The following PLSCR3 variants were observed in gnomAD, a reference collection of about 807,000 sequenced individuals.
PLSCR3 encodes the protein PL scramblase 3.
A neutral mutation model predicts 33.7 loss-of-function variants in PLSCR3; 17 were observed. That is an observed-to-expected ratio of 0.50 (90% CI 0.35 to 0.76). The LOEUF is 0.76. PLSCR3 is among the 30% of genes least tolerant of loss of function. PLSCR3 has a pLI of 0.01. For synonymous variants in PLSCR3, 166 were observed against 166.0 expected, an observed-to-expected ratio of 1.00 and a Z score of 0.00; for missense variants, 360 against 394.1, an observed-to-expected ratio of 0.91 and a Z score of 0.73.
Position 7,390,226 on chromosome 17 carries a change from C to G in PLSCR3, c.*159G>C. The G allele has an allele frequency of 3.5e-6, 2 of 575,904 alleles. No individual in the cohort carries two copies. Among genetic ancestry groups the G allele is most frequent in the South Asian group, 2.3e-5 (1 of 44,296 alleles). 35.7% of individuals were successfully genotyped at this position (575,904 alleles called of 1,614,324 possible). ...TCTCATACATACCCCTCCTTGGGAA[C>G]CACAGGGGCAGGCGGCCAGGGAGTA... On this transcript the variant is annotated 3_prime_UTR_variant, in exon 8 of 8. Coordinates refer to ENST00000619711, the MANE Select transcript of PLSCR3 (RefSeq NM_020360.4).
At chr17:7,392,551 AT>A (rs1452717308) in intron 6 of PLSCR3, among the ~76,000 whole-genome samples, 2 of 152,078 alleles carry the variant, frequency 1.3e-5, no homozygotes, top group African/African-American at 4.8e-5. Flanking sequence ...TTTTCTGCCC[AT>A]CTCAGGGCCA....
chr17:7,394,000 G>T lies in PLSCR3; in HGVS notation c.7+104C>A, dbSNP rs1454685609. On this transcript the variant is annotated intron_variant, in intron 2 of 7. Coordinates refer to ENST00000619711, the MANE Select transcript of PLSCR3 (RefSeq NM_020360.4). Reference sequence around the variant, plus strand: ...GAGGTTCCCCGGAAGGAAGGGAGGGGCCCCACCCAGCCAGTCCGAGCACAT... The same window carrying T: ...GAGGTTCCCCGGAAGGAAGGGAGGGTCCCCACCCAGCCAGTCCGAGCACAT... 4.9e-6 allele frequency: 7 copies of T among 1,422,230 alleles called. No homozygotes were observed. In the African/African-American group the frequency reaches 8.5e-5, roughly 17 times the overall value. The allele number at this position is 1,422,230 out of a possible 1,614,324, so 88.1% of individuals were successfully genotyped here. A position where few individuals can be genotyped will look rare whatever the true frequency, so the allele number is the denominator to read the frequency against.
intron 2 of PLSCR3, 114 bp downstream of exon 2, chr17:7,393,990 G>A (rs1905967254): frequency 7.7e-7 from 1 of 1,300,936 alleles, no homozygotes; most frequent in East Asian, 2.3e-5. Context: ...TCCCCGGAAG[G>A]AAGGGAGGGG....
In PLSCR3 at chr17:7,393,704, G is replaced by C; in HGVS notation, c.140C>G (p.Pro47Arg). The C allele has an allele frequency of 6.4e-7, 1 of 1,556,984 alleles. No homozygotes were observed. Among genetic ancestry groups the C allele is most frequent in the Non-Finnish European group, 8.6e-7 (1 of 1,159,522 alleles). The change falls in exon 3 of 8, where the codon CCC (proline) becomes CGC (arginine). Residue 47 changes from proline to arginine, a missense_variant. Physicochemically the swap from Pro to Arg is moderately radical, Grantham distance 103. Coordinates refer to ENST00000619711, the MANE Select transcript of PLSCR3 (RefSeq NM_020360.4). ...AGGCGAGGGGAAGAGGGCGAAGCCGGGAGCTGGGGCAGGTACCTGGGCGGG... is the reference window on the plus strand; with the variant it reads ...AGGCGAGGGGAAGAGGGCGAAGCCGCGAGCTGGGGCAGGTACCTGGGCGGG... The part of the protein sequence containing the change: ...PVPAQVPAPA[P>R]GFALFPSPGP...
intron 4 of PLSCR3, 51 bp from the exon 5 acceptor site, chr17:7,393,415 C>A (rs1265218207): frequency 1.2e-6 from 2 of 1,612,812 alleles, no homozygotes; most frequent in African/African-American, 2.7e-5. Context: ...GCCCAGGAGC[C>A]CACCATCCGG....
At chr17:7,393,901 GC>G in intron 2 of PLSCR3, 65 bp from the exon 3 acceptor site, 3 of 1,162,218 alleles carry the variant, frequency 2.6e-6, no homozygotes, top group Middle Eastern at 2.2e-4. Context: ...TTATTCCTCA[GC>G]CCATGGGCCG....
At chr17:7,392,735 A>G (rs143819552) in intron 6 of PLSCR3, 56 bp downstream of exon 6, 26,287 of 1,532,248 alleles carry the variant, frequency 0.017, 398 homozygotes, top group Admixed American at 0.047. Context: ...ATCCTGCCTC[A>G]TGGAAGCATC....
intron 2 of PLSCR3, 76 bp from the exon 3 acceptor site, chr17:7,393,912 G>T: frequency 8.9e-7 from 1 of 1,129,390 alleles, no homozygotes; most frequent in Non-Finnish European, 1.3e-6. Flanking sequence ...CCCATGGGCC[G>T]CGAGGCTTCG....
At chr17:7,393,391 G>A (rs1417306933) in intron 4 of PLSCR3, 27 bp from the exon 5 acceptor site, 1 of 1,612,378 alleles carries the variant, frequency 6.2e-7, no homozygotes, top group South Asian at 1.1e-5. Flanking sequence ...GGGGAGACTC[G>A]TAGAGCCTCG....
chr17:7,393,397 C>G (rs764405414), intron 4 of PLSCR3, 33 bp from the exon 5 acceptor site: 1 of 1,612,162 alleles, frequency 6.2e-7, no homozygotes, highest in Non-Finnish European at 8.5e-7. Context: ...ACTCGTAGAG[C>G]CTCGCGCGCC....
At chr17:7,392,416 TAAC>T (rs1905781780) in intron 6 of PLSCR3, among the ~76,000 whole-genome samples, 1 of 152,158 alleles carries the variant, frequency 6.6e-6, no homozygotes, top group African/African-American at 2.4e-5. Flanking sequence ...CACAGGATGT[TAAC>T]ATGTTAAAAT....
Position 7,394,075 on chromosome 17 carries a change from C to T in PLSCR3, c.7+29G>A, listed in dbSNP as rs779172427. ...GCTCCCAAGTCCGTGGGGGGGATAA[C>T]GGAGACCCCCAGACTTGCGCGCACT... On this transcript the variant is annotated intron_variant, in intron 2 of 7. Transcript: ENST00000619711. This position sits in a 1 kb window ranked among gnomAD's most constrained non-coding sequence, Gnocchi z 5.3. 5 of 1,611,456 alleles carry T rather than the reference C, an allele frequency of 3.1e-6. No homozygotes were observed. The East Asian group carries it at 6.7e-5, about 22-fold the overall frequency.
rs1451669705 is a variant in PLSCR3 at position 7,390,202 on chromosome 17, C to G, written c.*183G>C. On this transcript the variant is annotated 3_prime_UTR_variant, in exon 8 of 8. Transcript: ENST00000619711. ...GGTGGGAGGTAGCAGGAGAGCGGCT[C>G]TCATACATACCCCTCCTTGGGAACC... is the stretch of plus-strand genomic sequence containing the variant. 5.4e-6 allele frequency: 3 copies of G among 554,052 alleles called. No homozygotes were observed. The highest frequency in any genetic ancestry group is 2.9e-5 in the East Asian group (1 of 34,658). The allele number at this position is 554,052 out of a possible 1,614,324, so 34.3% of individuals were successfully genotyped here.
At position 7,391,029 on chromosome 17, in the gene PLSCR3, T is replaced by C. The variant is rs544874625; in HGVS notation, c.670-234A>G. Among the ~76,000 whole-genome samples the C allele has an allele frequency of 6.6e-6, 1 of 152,176 alleles. No homozygotes were observed. Among genetic ancestry groups the C allele is most frequent in the South Asian group, 2.1e-4 (1 of 4,822 alleles). ...CTGAGTCTATACCCAAAATTAGGAT[T>C]CAGACTCAGATCTGCTGCTATCGAA... is the stretch of plus-strand genomic sequence containing the variant. On this transcript the variant is annotated intron_variant, in intron 6 of 7. Coordinates refer to ENST00000619711, the MANE Select transcript of PLSCR3 (RefSeq NM_020360.4). The surrounding 1 kb of genome is among the most constrained non-coding windows in gnomAD (Gnocchi z 4.1).
chr17:7,392,406 C>T (rs1014149993), intron 6 of PLSCR3, among the ~76,000 whole-genome samples: 63 of 152,106 alleles, frequency 4.1e-4, no homozygotes, highest in Non-Finnish European at 2.1e-4. Flanking sequence ...CAGGGCAGGC[C>T]ACAGGATGTT....
chr17:7,392,682 G>A, intron 6 of PLSCR3, 109 bp downstream of exon 6: 3 of 1,032,800 alleles, frequency 2.9e-6, no homozygotes, highest in Non-Finnish European at 4.5e-6. Flanking sequence ...AGTCACAGTG[G>A]ATTTGGATTG....
At position 7,390,403 on chromosome 17, in the gene PLSCR3, G is replaced by A. The variant is rs769378024; in HGVS notation, c.870C>T (p.Pro290=). The change falls in exon 8 of 8, where the codon CCC becomes CCT. Residue 290 remains proline, a synonymous_variant. Coordinates refer to ENST00000619711, the MANE Select transcript of PLSCR3 (RefSeq NM_020360.4). ...MFFEKRGGAG[P]SAVTS is the part of the protein sequence containing the mutation. ...GTGGCCTCTAACTGGTGACGGCAGA[G>A]GGCCCAGCGCCTCCTCGCTTCTCAA... 12 of 1,556,188 alleles carry A rather than the reference G, an allele frequency of 7.7e-6. No individual in the cohort carries two copies. In the South Asian group the frequency reaches 1.3e-4, roughly 17 times the overall value.
chr17:7,390,920 T>A, intron 6 of PLSCR3, 125 bp from the exon 7 acceptor site: 1 of 933,366 alleles, frequency 1.1e-6, no homozygotes, highest in Non-Finnish European at 1.7e-6. Context: ...TCTTCCCCTC[T>A]AATGGTCACC....
intron 2 of PLSCR3, 66 bp from the exon 3 acceptor site, chr17:7,393,902 C>T (rs1365371976): frequency 2.6e-6 from 3 of 1,165,132 alleles, no homozygotes; most frequent in African/African-American, 3.1e-5. Flanking sequence ...TATTCCTCAG[C>T]CCATGGGCCG....
Sources: allele counts gnomAD v4.1 joint callset (sites outside exome capture counted in the v4.1 genomes callset), GRCh38; gene constraint gnomAD v4.1.1; non-coding constraint Gnocchi (gnomAD v3.1); transcripts MANE v1.5; gene names NCBI Gene and HGNC (gene_info 2026-07-23, HGNC 2026-07-21).